GPHN: variants seen among roughly 807,000 people sequenced by gnomAD.
GPHN encodes gephyrin.
In GPHN, 17 loss-of-function variants were observed where a neutral mutation model predicts 95.5. The observed-to-expected ratio is 0.18, with a 90% CI of 0.12 to 0.27. GPHN has a LOEUF of 0.27. Ranked by LOEUF, GPHN falls within the 10% of genes least tolerant of loss-of-function variation. The pLI, the probability that GPHN is intolerant of heterozygous loss-of-function variation, is 1.00. For synonymous variants in GPHN, 320 were observed against 322.5 expected, an observed-to-expected ratio of 0.99 and a Z score of 0.08; for missense variants, 660 against 978.1, an observed-to-expected ratio of 0.67 and a Z score of 4.34.
intron 3 of GPHN, among the ~76,000 whole-genome samples, chr14:66,788,433 AATT>A (rs2059859152): frequency 6.6e-6 from 1 of 152,258 alleles, no homozygotes; most frequent in Admixed American, 6.5e-5. Flanking sequence ...TAATATTTAT[AATT>A]ATTAATGATA....
chr14:67,592,597 G>A, the GPHN span: 2 of 1,185,662 alleles, frequency 1.7e-6, no homozygotes, highest in East Asian at 4.7e-5. Context: ...AAAAGGTTGA[G>A]GAGTAATTGG....
chr14:67,265,814 G>T, the GPHN span, among the ~76,000 whole-genome samples: 1 of 147,502 alleles, frequency 6.8e-6, no homozygotes, highest in African/African-American at 2.5e-5. Context: ...CCAAAATCGC[G>T]CCACTGCACT....
At chr14:66,789,019 A>G (rs557756925) in intron 3 of GPHN, among the ~76,000 whole-genome samples, 1 of 152,242 alleles carries the variant, frequency 6.6e-6, no homozygotes, top group South Asian at 2.1e-4. Context: ...ACGTTGTATA[A>G]CCCTTTACAA....
At chr14:67,560,752 C>T in the GPHN span, among the ~76,000 whole-genome samples, 6 of 117,616 alleles carry the variant, frequency 5.1e-5, no homozygotes, top group East Asian at 6.8e-4. Context: ...TTTTTTGAGA[C>T]GGAGTCTCGC....
chr14:66,565,928 GAAAC>G (rs1484651526), intron 1 of GPHN, among the ~76,000 whole-genome samples: 1 of 150,354 alleles, frequency 6.7e-6, no homozygotes, highest in Non-Finnish European at 1.5e-5. Flanking sequence ...TCAGGAAAAA[GAAAC>G]AATATAAGAG....
At chr14:67,194,550 G>T in the GPHN span, among the ~76,000 whole-genome samples, 1 of 152,034 alleles carries the variant, frequency 6.6e-6, no homozygotes, top group African/African-American at 2.4e-5. Flanking sequence ...CTGTCACACA[G>T]GCTAGAGTGC....
At chr14:67,735,280 G>C in the GPHN span, 3 of 939,470 alleles carry the variant, frequency 3.2e-6, no homozygotes, top group African/African-American at 4.8e-5. Flanking sequence ...GAATCGCCTC[G>C]TGCTCAGGCT....
intron 13 of GPHN, among the ~76,000 whole-genome samples, chr14:67,107,800 G>C (rs1348156953): frequency 6.6e-6 from 1 of 152,102 alleles, no homozygotes; most frequent in Non-Finnish European, 1.5e-5. Context: ...CAGAGAGGGG[G>C]GTATCTCAGC....
At chr14:67,333,817 A>T in the GPHN span, 1 of 150,598 alleles carries the variant, frequency 6.6e-6, no homozygotes, top group South Asian at 2.1e-4. Context: ...GTATTGACTT[A>T]AAAAGTTTCT....
the GPHN span, among the ~76,000 whole-genome samples, chr14:67,195,276 A>G: frequency 6.6e-6 from 1 of 152,164 alleles, no homozygotes; most frequent in Non-Finnish European, 1.5e-5. Flanking sequence ...CGTGGCTGCA[A>G]ATATCCTTGA....
intron 1 of GPHN, among the ~76,000 whole-genome samples, chr14:66,557,203 T>C (rs1430842836): frequency 6.6e-6 from 1 of 150,654 alleles, no homozygotes; most frequent in Non-Finnish European, 1.5e-5. Context: ...CATGACCCTG[T>C]CTGAAATAGA....
chr14:67,231,054 C>G, the GPHN span, among the ~76,000 whole-genome samples: 1 of 152,102 alleles, frequency 6.6e-6, no homozygotes, highest in East Asian at 1.9e-4. Context: ...TACAGGGTTC[C>G]GTACCATCCA....
chr14:67,354,874 C>T, the GPHN span, among the ~76,000 whole-genome samples: 77 of 152,290 alleles, frequency 5.1e-4, no homozygotes, highest in Middle Eastern at 6.8e-3. Context: ...AGTGCAATGG[C>T]GCGATCTCGG....
At chr14:66,545,658 G>A (rs2059549167) in intron 1 of GPHN, among the ~76,000 whole-genome samples, 1 of 127,580 alleles carries the variant, frequency 7.8e-6, no homozygotes, top group Non-Finnish European at 1.6e-5. Context: ...GGGCAGAGGG[G>A]CTCCTCACTT....
At chr14:66,887,805 G>T (rs2064276660) in intron 5 of GPHN, among the ~76,000 whole-genome samples, 1 of 152,128 alleles carries the variant, frequency 6.6e-6, no homozygotes, top group Non-Finnish European at 1.5e-5. Flanking sequence ...TTATCAGTCT[G>T]GGAATTTAAA....
intron 9 of GPHN, among the ~76,000 whole-genome samples, chr14:66,976,442 T>A (rs8013401): frequency 0.3 from 44,999 of 152,054 alleles, 11,255 homozygotes; most frequent in African/African-American, 0.66. Context: ...TGTTAGATAT[T>A]GGCATGATTT....
intron 2 of GPHN, among the ~76,000 whole-genome samples, chr14:66,741,892 A>G (rs954741194): frequency 6.6e-6 from 1 of 152,160 alleles, no homozygotes; most frequent in Non-Finnish European, 1.5e-5. Flanking sequence ...CGTTGTCTTT[A>G]TCATGCTAAA....
At chr14:66,661,516 G>A (rs565257100) in intron 1 of GPHN, among the ~76,000 whole-genome samples, 17 of 152,292 alleles carry the variant, frequency 1.1e-4, no homozygotes, top group Admixed American at 2.0e-4. Context: ...TGCGGGGAGG[G>A]GCAGGCTACC....
At chr14:66,863,793 T>A (rs1031499537) in intron 4 of GPHN, among the ~76,000 whole-genome samples, 5 of 152,220 alleles carry the variant, frequency 3.3e-5, no homozygotes, top group East Asian at 3.9e-4. Flanking sequence ...TAGACCCCTA[T>A]CTCTTGCCAT....
Sources: allele counts gnomAD v4.1 joint callset (sites outside exome capture counted in the v4.1 genomes callset), GRCh38; gene constraint gnomAD v4.1.1; transcripts MANE v1.5; gene names NCBI Gene and HGNC (gene_info 2026-07-23, HGNC 2026-07-21).